C8orf34: variants seen among roughly 807,000 people sequenced by gnomAD.
C8orf34 encodes the protein uncharacterized protein C8orf34.
In C8orf34, 65 loss-of-function variants were observed where a neutral mutation model predicts 68.3. The observed-to-expected ratio is 0.95, with a 90% confidence interval of 0.78 to 1.17. The LOEUF (loss-of-function observed/expected upper bound fraction) is 1.17, where lower values mean the gene tolerates loss of function less well. Among genes scored for constraint, C8orf34 ranks in the 50% most tolerant of loss-of-function variants. The pLI, the probability that C8orf34 is intolerant of heterozygous loss-of-function variation, is 0.00. For missense variants in C8orf34, 664 were observed against 655.4 expected, an observed-to-expected ratio of 1.01 and a Z score of -0.14; for synonymous variants, 244 against 241.2, an observed-to-expected ratio of 1.01 and a Z score of -0.11.
chr8:68,727,357 G>A (rs1209535624), intron 10 of C8orf34, among the ~76,000 whole-genome samples: 1 of 152,144 alleles, frequency 6.6e-6, no homozygotes. Context: ...CTATGGCTTT[G>A]CAGGGCACAC....
intron 1 of C8orf34, among the ~76,000 whole-genome samples, chr8:68,370,372 G>A (rs892874319): frequency 6.6e-6 from 1 of 152,096 alleles, no homozygotes; most frequent in African/African-American, 2.4e-5. Context: ...CTGCCACCTG[G>A]ACTTTGCTTC....
chr8:68,451,861 C>A (rs184975996), intron 3 of C8orf34, among the ~76,000 whole-genome samples: 1 of 151,782 alleles, frequency 6.6e-6, no homozygotes, highest in Non-Finnish European at 1.5e-5. Context: ...AGGGTCCCCA[C>A]GAATGTTTAC....
At chr8:68,492,295 T>C (rs1226477523) in intron 5 of C8orf34, among the ~76,000 whole-genome samples, 3 of 152,164 alleles carry the variant, frequency 2.0e-5, no homozygotes, top group Admixed American at 2.0e-4. Flanking sequence ...AGTGCTGCGA[T>C]CATAGCTCAC....
intron 8 of C8orf34, among the ~76,000 whole-genome samples, chr8:68,673,825 GC>G (rs1008013582): frequency 3.9e-5 from 6 of 152,146 alleles, no homozygotes; most frequent in Non-Finnish European, 2.9e-5. Flanking sequence ...TGGGCCTTGG[GC>G]AAGACCTAGG....
intron 9 of C8orf34, among the ~76,000 whole-genome samples, chr8:68,716,168 A>G (rs1299929693): frequency 6.6e-6 from 1 of 150,672 alleles, no homozygotes; most frequent in Admixed American, 6.6e-5. Context: ...CTTGGGGGAA[A>G]GGGTGGGGGT....
chr8:68,582,382 T>C (rs900460185), intron 7 of C8orf34, among the ~76,000 whole-genome samples: 2 of 152,106 alleles, frequency 1.3e-5, no homozygotes, highest in African/African-American at 4.8e-5. Context: ...TAATCTACTA[T>C]AGGACAAGGG....
chr8:68,330,765 A>AAGG (rs1329485977), upstream of C8orf34: 3 of 381,816 alleles, frequency 7.9e-6, no homozygotes, highest in African/African-American at 6.3e-5. Flanking sequence ...TCACCGGGGA[A>AAGG]AGGAGGTACA....
At chr8:68,610,881 T>TTTTTG (rs1818001766) in intron 7 of C8orf34, among the ~76,000 whole-genome samples, 1 of 150,494 alleles carries the variant, frequency 6.6e-6, no homozygotes, top group East Asian at 1.9e-4. Flanking sequence ...TTTTTTTTTT[T>TTTTTG]GAGACAGAGT....
chr8:68,728,450 A>G (rs191811105), intron 10 of C8orf34, among the ~76,000 whole-genome samples: 48 of 152,138 alleles, frequency 3.2e-4, no homozygotes, highest in African/African-American at 1.0e-3. Flanking sequence ...TCGCTTCCAT[A>G]TTTTCAGGTA....
intron 10 of C8orf34, among the ~76,000 whole-genome samples, chr8:68,725,476 T>C (rs1271502293): frequency 6.6e-6 from 1 of 152,260 alleles, no homozygotes; most frequent in Non-Finnish European, 1.5e-5. Flanking sequence ...TATATTATCC[T>C]CCTGGAGAGT....
At chr8:68,557,214 A>G (rs1313094983) in intron 7 of C8orf34, among the ~76,000 whole-genome samples, 2 of 152,154 alleles carry the variant, frequency 1.3e-5, no homozygotes, top group Non-Finnish European at 2.9e-5. Context: ...TTAACTTGTT[A>G]CCTATTTATA....
At chr8:68,816,073 G>C in intron 13 of C8orf34, 128 bp downstream of exon 13, 1 of 1,455,398 alleles carries the variant, frequency 6.9e-7, no homozygotes, top group South Asian at 1.2e-5. Context: ...TTTTCTCCAA[G>C]TATCCTGCAT....
At chr8:68,730,416 G>A (rs1413711969) in intron 10 of C8orf34, among the ~76,000 whole-genome samples, 1 of 152,094 alleles carries the variant, frequency 6.6e-6, no homozygotes, top group Non-Finnish European at 1.5e-5. Flanking sequence ...AAGTGCCATA[G>A]TAGGCAAGTT....
chr8:68,570,039 A>G (rs1050784656), intron 7 of C8orf34, among the ~76,000 whole-genome samples: 1 of 152,136 alleles, frequency 6.6e-6, no homozygotes, highest in Admixed American at 6.5e-5. Context: ...TCTCTTTTTC[A>G]TGCTCTTATA....
intron 11 of C8orf34, among the ~76,000 whole-genome samples, chr8:68,785,719 A>T (rs1823826197): frequency 1.3e-5 from 2 of 152,156 alleles, no homozygotes; most frequent in South Asian, 4.1e-4. Flanking sequence ...ATTAAAGCTT[A>T]TGGTATAAAA....
chr8:68,781,074 G>A (rs1823662325), intron 11 of C8orf34, among the ~76,000 whole-genome samples: 1 of 152,258 alleles, frequency 6.6e-6, no homozygotes, highest in Non-Finnish European at 1.5e-5. Flanking sequence ...CTGATGTTTT[G>A]TGCGTTAGTG....
chr8:68,628,490 C>T (rs1203396617), intron 7 of C8orf34, among the ~76,000 whole-genome samples: 6 of 152,076 alleles, frequency 3.9e-5, no homozygotes, highest in African/African-American at 7.2e-5. Flanking sequence ...TTTTCATACA[C>T]GTTTTATTTT....
At chr8:68,523,137 G>A (rs534811271) in intron 6 of C8orf34, among the ~76,000 whole-genome samples, 2 of 152,220 alleles carry the variant, frequency 1.3e-5, no homozygotes, top group African/African-American at 4.8e-5. Flanking sequence ...GTGAGGAGAG[G>A]AAAACCATTT....
chr8:68,458,528 G>T (rs1382472626), intron 3 of C8orf34, among the ~76,000 whole-genome samples: 1 of 152,220 alleles, frequency 6.6e-6, no homozygotes, highest in African/African-American at 2.4e-5. Context: ...AACATATAGT[G>T]ATTAGCAGAA....
Sources: allele counts gnomAD v4.1 joint callset (sites outside exome capture counted in the v4.1 genomes callset), GRCh38; gene constraint gnomAD v4.1.1; transcripts MANE v1.5; gene names NCBI Gene and HGNC (gene_info 2026-07-23, HGNC 2026-07-21).